The following KCNQ5 variants were observed in gnomAD, a reference collection of about 807,000 sequenced individuals.
The protein encoded by KCNQ5 is potassium voltage-gated channel subfamily KQT member 5.
KCNQ5 carries 30 observed loss-of-function variants against 98.2 expected under a neutral mutation model. That is an observed-to-expected ratio of 0.31 (90% CI 0.23 to 0.41). The LOEUF is 0.41. KCNQ5 is among the 10% of genes least tolerant of loss of function. KCNQ5 has a pLI of 1.00. For missense variants in KCNQ5, 835 were observed against 1,182.5 expected (o/e 0.71, Z 4.31); for synonymous variants, 458 against 449.4 (o/e 1.02, Z -0.24).
chr6:72,856,282 C>T (rs564556426), intron 1 of KCNQ5, among the ~76,000 whole-genome samples: 52 of 152,128 alleles, frequency 3.4e-4, no homozygotes, highest in African/African-American at 1.2e-3. Flanking sequence ...TGACATAAGC[C>T]TCTTACCTTA....
At chr6:72,912,283 G>T (rs1562063242) in intron 1 of KCNQ5, among the ~76,000 whole-genome samples, 1 of 152,070 alleles carries the variant, frequency 6.6e-6, no homozygotes, top group Non-Finnish European at 1.5e-5. Context: ...AACTTAATGG[G>T]CATATTAATT....
rs139374440 is a variant in KCNQ5 at position 72,647,618 on chromosome 6, A to G, written c.398+25031A>G. ...TAGGTTTCTGATAGCTGTTCAGTTC[A>G]CAGACACATGCATGTAATGCCCCTG... On this transcript the variant is annotated intron_variant, in intron 1 of 13. Coordinates refer to ENST00000370398, the MANE Select transcript of KCNQ5 (RefSeq NM_019842.4). 4.3e-4 allele frequency among the ~76,000 whole-genome samples: 66 copies of G among 152,282 alleles called. 1 individual carries two copies. Among genetic ancestry groups the G allele is most frequent in the African/African-American group, 1.5e-3 (63 of 41,578 alleles).
chr6:73,085,976 A>G (rs1223825833), intron 5 of KCNQ5, among the ~76,000 whole-genome samples: 1 of 152,222 alleles, frequency 6.6e-6, no homozygotes, highest in Admixed American at 6.5e-5. Flanking sequence ...TATTTTTCAG[A>G]AAAAGTATAG....
intron 3 of KCNQ5, among the ~76,000 whole-genome samples, chr6:73,052,190 A>G (rs1252509770): frequency 6.6e-6 from 1 of 152,180 alleles, no homozygotes; most frequent in Non-Finnish European, 1.5e-5. Context: ...AAAAATAAAG[A>G]AAAAAAGATT....
intron 3 of KCNQ5, among the ~76,000 whole-genome samples, chr6:73,076,618 G>T (rs1379455666): frequency 6.6e-6 from 1 of 152,050 alleles, no homozygotes; most frequent in Non-Finnish European, 1.5e-5. Flanking sequence ...AATGCACAGT[G>T]TTTATACTTA....
chr6:72,679,096 A>G (rs952993394), intron 1 of KCNQ5, among the ~76,000 whole-genome samples: 6 of 152,178 alleles, frequency 3.9e-5, no homozygotes, highest in Admixed American at 1.3e-4. Flanking sequence ...AAACTTGCAG[A>G]GAATGTTTGT....
intron 1 of KCNQ5, among the ~76,000 whole-genome samples, chr6:72,801,210 A>G (rs1327035619): frequency 2.0e-5 from 3 of 148,868 alleles, no homozygotes; most frequent in Non-Finnish European, 4.5e-5. Context: ...TGATCTGTCT[A>G]ATGTTGACAG....
intron 6 of KCNQ5, among the ~76,000 whole-genome samples, chr6:73,106,819 T>C (rs1400974258): frequency 6.6e-6 from 1 of 152,224 alleles, no homozygotes; most frequent in Non-Finnish European, 1.5e-5. Context: ...GGAAGAATTA[T>C]TGAGCCCAGA....
In KCNQ5 at chr6:72,987,671, G is replaced by A. The variant is rs1207738235; in HGVS notation, c.399-16237G>A. On this transcript the variant is annotated intron_variant, in intron 1 of 13. Coordinates refer to ENST00000370398, the MANE Select transcript of KCNQ5 (RefSeq NM_019842.4). ...AGCTGGAAGTACAGCCGCGGAGCCC[G>A]TCTCTGCTTCTCCACCGCCCCCAAC... 8 of 610,506 alleles carry A rather than the reference G, an allele frequency of 1.3e-5. No homozygotes were observed. In the South Asian group the frequency reaches 1.3e-4, roughly 10 times the overall value. The allele number at this position is 610,506 out of a possible 1,614,324, so 37.8% of individuals were successfully genotyped here.
intron 1 of KCNQ5, among the ~76,000 whole-genome samples, chr6:72,635,305 T>C (rs1177079499): frequency 6.6e-6 from 1 of 152,124 alleles, no homozygotes; most frequent in Non-Finnish European, 1.5e-5. Flanking sequence ...GCTGGGATTA[T>C]AGGAATGAGC....
At chr6:72,895,449 C>T (rs1363449392) in intron 1 of KCNQ5, among the ~76,000 whole-genome samples, 1 of 151,646 alleles carries the variant, frequency 6.6e-6, no homozygotes, top group Non-Finnish European at 1.5e-5. Flanking sequence ...CCATGGAGAA[C>T]ACGATTTTTT....
intron 1 of KCNQ5, among the ~76,000 whole-genome samples, chr6:72,968,067 T>C (rs547920451): frequency 6.6e-6 from 1 of 152,308 alleles, no homozygotes; most frequent in African/African-American, 2.4e-5. Context: ...ACATCTGATA[T>C]ATGTGACAAA....
intron 1 of KCNQ5, among the ~76,000 whole-genome samples, chr6:72,876,426 T>C (rs541472559): frequency 6.6e-5 from 10 of 152,124 alleles, no homozygotes; most frequent in Non-Finnish European, 1.5e-4. Flanking sequence ...CAAATACTCA[T>C]AAAAACAATA....
At chr6:73,092,096 TTG>T (rs1774279178) in intron 5 of KCNQ5, among the ~76,000 whole-genome samples, 3 of 147,768 alleles carry the variant, frequency 2.0e-5, no homozygotes, top group East Asian at 2.0e-4. Context: ...TTTTGTTTGT[TTG>T]TTTTTTGTTT....
intron 1 of KCNQ5, among the ~76,000 whole-genome samples, chr6:72,674,494 G>A (rs569579911): frequency 6.6e-6 from 1 of 152,188 alleles, no homozygotes; most frequent in South Asian, 2.1e-4. Context: ...AAAGAGACCG[G>A]GTATGGCGGC....
intron 1 of KCNQ5, among the ~76,000 whole-genome samples, chr6:72,802,849 AG>A (rs1414101231): frequency 1.3e-5 from 2 of 152,172 alleles, no homozygotes; most frequent in Non-Finnish European, 2.9e-5. Flanking sequence ...TCAGCCTCAT[AG>A]AACTTGTTCT....
intron 1 of KCNQ5, among the ~76,000 whole-genome samples, chr6:72,664,504 A>G (rs980617429): frequency 2.6e-4 from 40 of 151,962 alleles, no homozygotes; most frequent in Non-Finnish European, 7.4e-5. Context: ...AAAAAACAAA[A>G]ATTAACTGGG....
chr6:72,839,665 T>G (rs1158925741), intron 1 of KCNQ5, among the ~76,000 whole-genome samples: 1 of 152,232 alleles, frequency 6.6e-6, no homozygotes, highest in Admixed American at 6.5e-5. Context: ...TTATTTATTT[T>G]AAGTTTTTGA....
At chr6:73,013,489 A>C (rs1770177027) in intron 2 of KCNQ5, among the ~76,000 whole-genome samples, 1 of 152,132 alleles carries the variant, frequency 6.6e-6, no homozygotes, top group Non-Finnish European at 1.5e-5. Context: ...AATTTCCTAT[A>C]TTTGGTGATT....
Sources: allele counts gnomAD v4.1 joint callset (sites outside exome capture counted in the v4.1 genomes callset), GRCh38; gene constraint gnomAD v4.1.1; transcripts MANE v1.5; gene names NCBI Gene and HGNC (gene_info 2026-07-23, HGNC 2026-07-21).